Variants in UPP2 observed in about 807,000 individuals in gnomAD.
The protein encoded by UPP2 is uridine phosphorylase 2, also known as UPase 2.
In UPP2, 23 loss-of-function variants were observed where a neutral mutation model predicts 26.7. The ratio of observed to expected loss-of-function variants is 0.86; its 90% CI spans 0.62 to 1.22. UPP2 has a LOEUF of 1.22. Ranked by LOEUF, UPP2 falls within the 50% of genes most tolerant of loss-of-function variation. UPP2 has a pLI of 0.00. For synonymous variants in UPP2, 127 were observed against 141.3 expected, an observed-to-expected ratio of 0.90 and a Z score of 0.72; for missense variants, 387 against 396.7, an observed-to-expected ratio of 0.98 and a Z score of 0.21.
At chr2:158,086,979 T>C (rs1172307395) in intron 3 of UPP2, among the ~76,000 whole-genome samples, 1 of 152,104 alleles carries the variant, frequency 6.6e-6, no homozygotes, top group Non-Finnish European at 1.5e-5. Flanking sequence ...TTGTTGGGTA[T>C]AATGTTCTGT....
chr2:158,036,405 C>CTG (rs2105160299), intron 3 of UPP2, among the ~76,000 whole-genome samples: 1 of 152,276 alleles, frequency 6.6e-6, no homozygotes, highest in South Asian at 2.1e-4. Flanking sequence ...AGCACAGTTC[C>CTG]TGTGGAGTCC....
intron 3 of UPP2, 41 bp from the exon 4 acceptor site, chr2:158,117,783 A>G (rs1317083293): frequency 6.9e-6 from 10 of 1,440,610 alleles, no homozygotes; most frequent in Non-Finnish European, 9.8e-6. Context: ...TTCATGTATC[A>G]CTTTGCAAGA....
Position 158,062,048 on chromosome 2 carries a change from C to G in UPP2, c.148-39992C>G, listed in dbSNP as rs550918307. 3.7e-4 allele frequency among the ~76,000 whole-genome samples: 57 copies of G among 152,356 alleles called. 1 individual carries two copies. Among genetic ancestry groups the G allele is most frequent in the African/African-American group, 1.3e-3 (53 of 41,588 alleles). ...TTTATTTACATACAGACTACAGCTG[C>G]TTTTATGCTAAAGCAATAGTATTGA... On this transcript the variant is annotated intron_variant, in intron 3 of 9. Coordinates refer to the UPP2 transcript ENST00000605860.
intron 3 of UPP2, among the ~76,000 whole-genome samples, chr2:158,075,980 T>C (rs891245526): frequency 1.3e-5 from 2 of 151,710 alleles, no homozygotes; most frequent in African/African-American, 4.8e-5. Context: ...AAATCAGATA[T>C]GAAAAAGGAG....
intron 3 of UPP2, among the ~76,000 whole-genome samples, chr2:158,062,683 T>A (rs16842523): frequency 2.6e-5 from 4 of 152,118 alleles, no homozygotes; most frequent in African/African-American, 9.7e-5. Flanking sequence ...AATTCCCTCC[T>A]TTTTCATGTG....
chr2:158,004,933 T>C (rs2105136233), intron 2 of UPP2, among the ~76,000 whole-genome samples: 1 of 152,338 alleles, frequency 6.6e-6, no homozygotes, highest in African/African-American at 2.4e-5. Flanking sequence ...ACATGTTAAA[T>C]TGTACAATTT....
At chr2:158,134,700 A>G (rs1683894312) in intron 6 of UPP2, 48 bp from the exon 7 acceptor site, 1 of 1,534,372 alleles carries the variant, frequency 6.5e-7, no homozygotes, top group Admixed American at 2.0e-5. Context: ...GCTTCTATAG[A>G]AAAGATGAAC....
upstream of UPP2, among the ~76,000 whole-genome samples, chr2:158,097,489 T>C (rs1179801210): frequency 6.6e-6 from 1 of 152,174 alleles, no homozygotes; most frequent in Non-Finnish European, 1.5e-5. Flanking sequence ...ATTCCAGATG[T>C]CAATGCCTTG....
chr2:158,048,044 G>A (rs562906645), intron 3 of UPP2, among the ~76,000 whole-genome samples: 3 of 152,306 alleles, frequency 2.0e-5, no homozygotes, highest in South Asian at 2.1e-4. Flanking sequence ...AGATTACATA[G>A]CCAGATGTTC....
chr2:158,132,636 G>C (rs943588662), intron 6 of UPP2, among the ~76,000 whole-genome samples: 5 of 152,136 alleles, frequency 3.3e-5, no homozygotes, highest in Non-Finnish European at 1.5e-5. Context: ...TGATACATCT[G>C]ATAAGAGGTA....
chr2:158,025,572 T>G (rs1238085768), intron 3 of UPP2, among the ~76,000 whole-genome samples: 3 of 152,230 alleles, frequency 2.0e-5, no homozygotes, highest in Non-Finnish European at 4.4e-5. Context: ...GCAAGGTCAC[T>G]GCCAGCCTGT....
intron 3 of UPP2, among the ~76,000 whole-genome samples, chr2:158,079,154 G>T (rs903869122): frequency 6.6e-6 from 1 of 152,054 alleles, no homozygotes; most frequent in Non-Finnish European, 1.5e-5. Context: ...CCAGCCATGT[G>T]GAACTGTGAG....
At chr2:158,053,493 A>G (rs956431211) in intron 3 of UPP2, among the ~76,000 whole-genome samples, 2 of 152,156 alleles carry the variant, frequency 1.3e-5, no homozygotes, top group Non-Finnish European at 2.9e-5. Context: ...CTCCCATACC[A>G]TATTGCTTGT....
intron 2 of UPP2, among the ~76,000 whole-genome samples, chr2:158,001,047 C>T (rs1368592619): frequency 2.0e-5 from 3 of 152,222 alleles, no homozygotes; most frequent in Non-Finnish European, 4.4e-5. Flanking sequence ...AAAGAAGTTT[C>T]TCCTTTGTTT....
At chr2:158,020,205 C>T (rs1229695838) in intron 3 of UPP2, among the ~76,000 whole-genome samples, 1 of 152,156 alleles carries the variant, frequency 6.6e-6, no homozygotes, top group Non-Finnish European at 1.5e-5. Flanking sequence ...CGAGTGTTTT[C>T]GAAGTGTTTG....
chr2:158,134,626 A>G, intron 6 of UPP2, 122 bp from the exon 7 acceptor site: 2 of 1,138,692 alleles, frequency 1.8e-6, no homozygotes, highest in Non-Finnish European at 2.3e-6. Context: ...CATCTACATT[A>G]CAACAACAAC....
intron 3 of UPP2, among the ~76,000 whole-genome samples, chr2:158,049,049 G>T (rs922439144): frequency 6.6e-6 from 1 of 152,196 alleles, no homozygotes; most frequent in Non-Finnish European, 1.5e-5. Flanking sequence ...GTTCCCCAGG[G>T]TGGTTCCAGA....
At chr2:158,058,973 A>T (rs1043885019) in intron 3 of UPP2, among the ~76,000 whole-genome samples, 1 of 152,148 alleles carries the variant, frequency 6.6e-6, no homozygotes, top group Non-Finnish European at 1.5e-5. Context: ...GGTTAAGGTG[A>T]AGAGAGATGA....
At chr2:158,072,563 C>T (rs115057490) in intron 3 of UPP2, among the ~76,000 whole-genome samples, 1,897 of 151,960 alleles carry the variant, frequency 0.012, 38 homozygotes, top group African/African-American at 0.044. Flanking sequence ...AACCCAGCAC[C>T]GTCCCAGTGG....
Sources: gnomAD v4.1 joint callset for allele counts (sites outside exome capture counted in the v4.1 genomes callset) on GRCh38, gnomAD v4.1.1 for gene constraint, MANE v1.5 for transcripts, NCBI Gene and HGNC (gene_info 2026-07-23, HGNC 2026-07-21) for gene names.